SLC35F3: variants seen among roughly 807,000 people sequenced by gnomAD.
SLC35F3 encodes the protein putative thiamine transporter SLC35F3.
SLC35F3 carries 25 observed loss-of-function variants against 49.9 expected under a neutral mutation model. The ratio of observed to expected loss-of-function variants is 0.50; its 90% CI spans 0.37 to 0.70. The LOEUF (loss-of-function observed/expected upper bound fraction) is 0.70. Among genes scored for constraint, SLC35F3 ranks in the 30% least tolerant of loss-of-function variants. SLC35F3 has a pLI of 0.00. For synonymous variants in SLC35F3, 275 were observed against 265.4 expected (o/e 1.04, Z -0.35); for missense variants, 525 against 639.8 (o/e 0.82, Z 1.94).
At chr1:234,244,249 T>G (rs1004473785) in intron 3 of SLC35F3, among the ~76,000 whole-genome samples, 5 of 152,320 alleles carry the variant, frequency 3.3e-5, no homozygotes, top group African/African-American at 1.2e-4. Context: ...ATAAAAATTT[T>G]TAAAGAGTAT....
chr1:234,258,203 T>G (rs1381511741), intron 3 of SLC35F3, among the ~76,000 whole-genome samples: 3 of 152,168 alleles, frequency 2.0e-5, no homozygotes, highest in African/African-American at 7.2e-5. Flanking sequence ...GCTGATTTGT[T>G]GAGTTAAGGA....
At chr1:234,184,856 A>G (rs1365952966) in intron 2 of SLC35F3, among the ~76,000 whole-genome samples, 1 of 152,214 alleles carries the variant, frequency 6.6e-6, no homozygotes, top group Non-Finnish European at 1.5e-5. Context: ...TAGACAGACC[A>G]GCTTTGACAT....
chr1:234,059,106 G>A (rs1239130193), intron 2 of SLC35F3, among the ~76,000 whole-genome samples: 1 of 151,782 alleles, frequency 6.6e-6, no homozygotes, highest in Non-Finnish European at 1.5e-5. Context: ...TAATTGTATT[G>A]TTCTCTTCAA....
intron 2 of SLC35F3, among the ~76,000 whole-genome samples, chr1:233,946,997 A>C (rs888148451): frequency 2.6e-5 from 4 of 152,250 alleles, no homozygotes; most frequent in Admixed American, 6.5e-5. Context: ...TTGATAGATA[A>C]GCAAGTAAAA....
chr1:234,319,669 C>T (rs139927862), intron 6 of SLC35F3, among the ~76,000 whole-genome samples: 1 of 152,130 alleles, frequency 6.6e-6, no homozygotes, highest in East Asian at 1.9e-4. Flanking sequence ...CCACTGTGCA[C>T]CACACTCCAG....
At chr1:234,201,696 G>T (rs1283728853) in intron 2 of SLC35F3, among the ~76,000 whole-genome samples, 2 of 152,126 alleles carry the variant, frequency 1.3e-5, no homozygotes, top group African/African-American at 2.4e-5. Flanking sequence ...TCTGAGGACG[G>T]TCCCCACCCC....
intron 2 of SLC35F3, among the ~76,000 whole-genome samples, chr1:234,026,424 G>T (rs2102845774): frequency 6.6e-6 from 1 of 152,342 alleles, no homozygotes; most frequent in South Asian, 2.1e-4. Context: ...TACTTAGAAA[G>T]TGTCTGCATT....
At chr1:234,208,114 G>A (rs1047519145) in intron 2 of SLC35F3, among the ~76,000 whole-genome samples, 1 of 152,228 alleles carries the variant, frequency 6.6e-6, no homozygotes, top group African/African-American at 2.4e-5. Flanking sequence ...AGGAGACTTG[G>A]TGGCCACTGC....
intron 2 of SLC35F3, among the ~76,000 whole-genome samples, chr1:234,015,397 G>T (rs1663787279): frequency 6.6e-6 from 1 of 150,576 alleles, no homozygotes; most frequent in Admixed American, 6.6e-5. Context: ...CACACTACTT[G>T]ATTTCTAACT....
At chr1:234,255,076 A>G (rs1416151614) in intron 3 of SLC35F3, among the ~76,000 whole-genome samples, 9 of 152,222 alleles carry the variant, frequency 5.9e-5, no homozygotes, top group African/African-American at 1.9e-4. Context: ...AACATCAAAA[A>G]ATTAGCCACC....
chr1:234,072,894 G>A (rs1170532127), intron 2 of SLC35F3, among the ~76,000 whole-genome samples: 1 of 152,158 alleles, frequency 6.6e-6, no homozygotes, highest in Non-Finnish European at 1.5e-5. Flanking sequence ...TAGAGGAGTG[G>A]CATGAACTAA....
At chr1:233,969,511 C>G (rs1662958594) in intron 2 of SLC35F3, among the ~76,000 whole-genome samples, 1 of 152,180 alleles carries the variant, frequency 6.6e-6, no homozygotes, top group South Asian at 2.1e-4. Flanking sequence ...CCTGGTGTTC[C>G]TGCACCTCTG....
intron 2 of SLC35F3, among the ~76,000 whole-genome samples, chr1:234,010,616 T>C (rs1663703058): frequency 6.6e-6 from 1 of 152,172 alleles, no homozygotes; most frequent in Non-Finnish European, 1.5e-5. Context: ...CTCATCTCAC[T>C]TTTGAGGTGA....
chr1:234,279,150 C>G (rs1668263411), intron 3 of SLC35F3, among the ~76,000 whole-genome samples: 1 of 152,088 alleles, frequency 6.6e-6, no homozygotes, highest in Non-Finnish European at 1.5e-5. Flanking sequence ...CAAGCAAAGG[C>G]AGGACAACTG....
intron 2 of SLC35F3, among the ~76,000 whole-genome samples, chr1:234,226,163 A>C (rs1667282364): frequency 6.6e-6 from 1 of 152,218 alleles, no homozygotes. Context: ...ATAGTATGAG[A>C]ATTATATCTC....
chr1:233,989,410 T>C (rs546178062), intron 2 of SLC35F3, among the ~76,000 whole-genome samples: 1 of 152,354 alleles, frequency 6.6e-6, no homozygotes, highest in African/African-American at 2.4e-5. Flanking sequence ...TATGTTTTTC[T>C]TTTGCAAAAA....
chr1:233,955,102 C>T (rs148859141), intron 2 of SLC35F3, among the ~76,000 whole-genome samples: 201 of 152,194 alleles, frequency 1.3e-3, no homozygotes, highest in African/African-American at 4.3e-3. Context: ...CCTCAGCCTC[C>T]CTAAGTGCTG....
Position 233,922,597 on chromosome 1 carries a change from T to A in SLC35F3, c.283+16839T>A, listed in dbSNP as rs540266629. ...AAAAATTTTCTCCCATTCTGTAGGT[T>A]GCCTGTTCACTCTGATGGTAGTTTC... is the stretch of plus-strand genomic sequence containing the variant. On this transcript the variant is annotated intron_variant, in intron 2 of 7. Transcript: ENST00000366618. 7.2e-5 allele frequency among the ~76,000 whole-genome samples: 11 copies of A among 152,036 alleles called. No homozygotes were observed. In the East Asian group the frequency reaches 1.2e-3, roughly 16 times the overall value.
intron 2 of SLC35F3, among the ~76,000 whole-genome samples, chr1:234,058,805 T>G (rs1260824631): frequency 6.8e-6 from 1 of 146,788 alleles, no homozygotes; most frequent in Non-Finnish European, 1.5e-5. Flanking sequence ...TTTTTTTGGG[T>G]TTTTTTTGGT....
Sources: allele counts gnomAD v4.1 joint callset (sites outside exome capture counted in the v4.1 genomes callset), GRCh38; gene constraint gnomAD v4.1.1; transcripts MANE v1.5; gene names NCBI Gene and HGNC (gene_info 2026-07-23, HGNC 2026-07-21).